Variants in FBN2 observed in about 807,000 individuals in gnomAD.
FBN2 encodes the protein fibrillin 2, also known as fibrillin-2.
Under a neutral mutation model 355.6 loss-of-function variants are expected in FBN2, and 105 were observed. The observed-to-expected ratio is 0.30, with a 90% CI of 0.25 to 0.35. FBN2 has a LOEUF of 0.35. FBN2 is among the 10% of genes least tolerant of loss of function. The pLI is 1.00. For missense variants in FBN2, 3,280 were observed against 3,758.7 expected (o/e 0.87, Z 3.33); for synonymous variants, 1,350 against 1,301.2 (o/e 1.04, Z -0.81).
chr5:128,305,096 A>T lies in FBN2; in HGVS notation c.5675-14T>A, dbSNP rs1316758226. ...ATTCATTGCGATCTAAAACAGAAAA[A>T]AATAAATGTTACATGTATCTGATTT... On this transcript the variant is annotated splice_polypyrimidine_tract_variant and intron_variant, in intron 44 of 64. Transcript: ENST00000262464. The T allele has an allele frequency of 6.3e-7, 1 of 1,577,568 alleles. No individual in the cohort carries two copies. Among genetic ancestry groups the T allele is most frequent in the Non-Finnish European group, 8.7e-7 (1 of 1,151,548 alleles).
Position 128,280,967 on chromosome 5 carries a change from G to C in FBN2, c.7013-650C>G, listed in dbSNP as rs559600834. ...TTTGTTTGAGGTTTCTTTCAAAGCT[G>C]TGTTGTTAGGAGCATAAGAGAGCGC... On this transcript the variant is annotated intron_variant, in intron 55 of 64. Coordinates refer to ENST00000262464, the MANE Select transcript of FBN2 (RefSeq NM_001999.4). 6.6e-5 allele frequency among the ~76,000 whole-genome samples: 10 copies of C among 152,178 alleles called. No homozygotes were observed. The South Asian group carries it at 1.5e-3, about 22-fold the overall frequency.
At position 128,271,477 on chromosome 5, in the gene FBN2, T is replaced by C. The variant is rs558908644; in HGVS notation, c.7960+522A>G. On this transcript the variant is annotated intron_variant, in intron 62 of 64. Coordinates refer to ENST00000262464, the MANE Select transcript of FBN2 (RefSeq NM_001999.4). Reference sequence around the variant, plus strand: ...GAGCTGAGAGCCACGTATTTTATTTTACAAACACTTCTGTCTAGAGCTGCC... The same window carrying C: ...GAGCTGAGAGCCACGTATTTTATTTCACAAACACTTCTGTCTAGAGCTGCC... Among the ~76,000 whole-genome samples, 9 of 152,356 alleles carry C rather than the reference T, an allele frequency of 5.9e-5. No homozygotes were observed. The South Asian group carries it at 1.9e-3, about 32-fold the overall frequency.
rs1749717202 is a variant in FBN2, at chr5:128,301,452, A to T, written c.5976T>A (p.Asn1992Lys). Residue 1992 changes from asparagine (N) to lysine (K), a missense_variant, in exon 47 of 65, where the codon AAT (asparagine) becomes AAA (lysine). This residue lies in a region of FBN2 where 2,284 missense variants were observed against 2,749.5 expected (regional missense o/e 0.83). Coordinates refer to ENST00000262464, the MANE Select transcript of FBN2 (RefSeq NM_001999.4). ...GQVCRNGRCF[N>K]EIGSFKCLCN... ...ATAGACACTTGAAAGAACCAATTTCATTAAAACAACGTCCATTTCTGCACA... is the reference window on the plus strand; with the variant it reads ...ATAGACACTTGAAAGAACCAATTTCTTTAAAACAACGTCCATTTCTGCACA... 1 of 1,613,674 alleles carries T rather than the reference A, an allele frequency of 6.2e-7. No individual in the cohort carries two copies. Among genetic ancestry groups the T allele is most frequent in the Non-Finnish European group, 8.5e-7 (1 of 1,179,722 alleles).
chr5:128,463,824 G>A (rs964615744), intron 6 of FBN2, among the ~76,000 whole-genome samples: 2 of 152,088 alleles, frequency 1.3e-5, no homozygotes, highest in Non-Finnish European at 2.9e-5. Flanking sequence ...CTTTGTGCAT[G>A]TTTTAATTAT....
chr5:128,295,750 G>C (rs1749488115), intron 48 of FBN2, among the ~76,000 whole-genome samples: 1 of 132,846 alleles, frequency 7.5e-6, no homozygotes, highest in Non-Finnish European at 1.6e-5. Context: ...AGACAATGGG[G>C]TTTTCTAGAT....
intron 45 of FBN2, 125 bp from the exon 46 acceptor site, chr5:128,303,214 T>C (rs1186930765): frequency 2.9e-6 from 2 of 686,406 alleles, no homozygotes; most frequent in Non-Finnish European, 2.6e-6. Context: ...GAAACTCATA[T>C]CTACTTGAGG....
chr5:128,399,107 G>C (rs1460024729), intron 8 of FBN2, among the ~76,000 whole-genome samples: 1 of 152,138 alleles, frequency 6.6e-6, no homozygotes, highest in African/African-American at 2.4e-5. Flanking sequence ...GTATTTAATG[G>C]ATACTAACTT....
At chr5:128,449,508 T>C (rs1581307197) in intron 6 of FBN2, among the ~76,000 whole-genome samples, 1 of 148,266 alleles carries the variant, frequency 6.7e-6, no homozygotes, top group Non-Finnish European at 1.5e-5. Flanking sequence ...TATTTGAAAA[T>C]AGAATGTAGT....
At chr5:128,387,007 A>G (rs1215759477) in intron 11 of FBN2, among the ~76,000 whole-genome samples, 5 of 152,102 alleles carry the variant, frequency 3.3e-5, no homozygotes, top group African/African-American at 1.2e-4. Flanking sequence ...AATAGTTTCA[A>G]TAGGAATGAA....
intron 7 of FBN2, among the ~76,000 whole-genome samples, chr5:128,443,228 CA>C (rs1399229057): frequency 1.3e-5 from 2 of 152,152 alleles, no homozygotes; most frequent in Admixed American, 6.5e-5. Flanking sequence ...CTCTCAATGG[CA>C]ACCAAAGGAA....
intron 59 of FBN2, among the ~76,000 whole-genome samples, chr5:128,275,166 T>C (rs1765359643): frequency 6.6e-6 from 1 of 152,214 alleles, no homozygotes; most frequent in African/African-American, 2.4e-5. Flanking sequence ...ACACCTGTAA[T>C]TCTAGTCACA....
chr5:128,533,275 A>G (rs1756753110), intron 2 of FBN2, among the ~76,000 whole-genome samples: 1 of 152,176 alleles, frequency 6.6e-6, no homozygotes, highest in South Asian at 2.1e-4. Context: ...GAGGAGACCC[A>G]AAGTACCTCC....
chr5:128,338,676 T>C (rs572175851), intron 26 of FBN2, among the ~76,000 whole-genome samples: 6 of 152,304 alleles, frequency 3.9e-5, no homozygotes, highest in Middle Eastern at 3.4e-3. Flanking sequence ...ATAAACAGTC[T>C]GTGTGATTTT....
intron 5 of FBN2, among the ~76,000 whole-genome samples, chr5:128,505,101 C>A (rs572264701): frequency 6.6e-6 from 1 of 152,124 alleles, no homozygotes; most frequent in African/African-American, 2.4e-5. Context: ...TGCCTTCTGC[C>A]GTGATTGTGA....
chr5:128,464,698 T>C (rs756779489), intron 6 of FBN2, 26 bp downstream of exon 6: 4 of 1,606,594 alleles, frequency 2.5e-6, no homozygotes, highest in South Asian at 1.1e-5. Context: ...TCTGCGATGG[T>C]GTGCACAGGC....
At chr5:128,503,807 T>C (rs1210389448) in intron 5 of FBN2, among the ~76,000 whole-genome samples, 2 of 152,168 alleles carry the variant, frequency 1.3e-5, no homozygotes, top group Non-Finnish European at 2.9e-5. Flanking sequence ...GCCCAAGTAA[T>C]GAGGAACCAA....
chr5:128,314,931 T>C (rs1750160894), intron 36 of FBN2, among the ~76,000 whole-genome samples: 1 of 152,070 alleles, frequency 6.6e-6, no homozygotes, highest in South Asian at 2.1e-4. Flanking sequence ...AAAACCCTCC[T>C]CTCCAAAAAT....
At chr5:128,459,487 G>A (rs899627870) in intron 6 of FBN2, among the ~76,000 whole-genome samples, 1 of 146,736 alleles carries the variant, frequency 6.8e-6, no homozygotes, top group Non-Finnish European at 1.5e-5. Flanking sequence ...AAACCTGGCA[G>A]AGACACAACA....
intron 8 of FBN2, among the ~76,000 whole-genome samples, chr5:128,403,104 A>G (rs1752838597): frequency 6.6e-6 from 1 of 152,132 alleles, no homozygotes; most frequent in Non-Finnish European, 1.5e-5. Context: ...TCAAATGCAC[A>G]CATGCATGTG....
Sources: gnomAD v4.1 joint callset for allele counts (sites outside exome capture counted in the v4.1 genomes callset) on GRCh38, gnomAD v4.1.1 for gene constraint, gnomAD v4.1.1 regional missense constraint, MANE v1.5 for transcripts, NCBI Gene and HGNC (gene_info 2026-07-23, HGNC 2026-07-21) for gene names.